Variants in MYRIP observed in about 807,000 individuals in gnomAD.
MYRIP encodes myosin VIIA and Rab interacting protein.
In MYRIP, 49 loss-of-function variants were observed where a neutral mutation model predicts 98.0. The ratio of observed to expected loss-of-function variants is 0.50; its 90% CI spans 0.40 to 0.63. The LOEUF (loss-of-function observed/expected upper bound fraction) is 0.63. Among genes scored for constraint, MYRIP ranks in the 30% least tolerant of loss-of-function variants. The pLI, the probability that MYRIP is intolerant of heterozygous loss-of-function variation, is 0.00. For synonymous variants in MYRIP, 404 were observed against 409.5 expected, an observed-to-expected ratio of 0.99 and a Z score of 0.16; for missense variants, 1,004 against 1,058.2, an observed-to-expected ratio of 0.95 and a Z score of 0.71.
chr3:39,964,823 T>G (rs551102344), intron 2 of MYRIP, among the ~76,000 whole-genome samples: 2 of 152,184 alleles, frequency 1.3e-5, no homozygotes, highest in Admixed American at 1.3e-4. Context: ...TGCTTAAAAC[T>G]TTTCTTATAA....
At chr3:39,842,314 C>G (rs746841220) in intron 1 of MYRIP, among the ~76,000 whole-genome samples, 4 of 152,144 alleles carry the variant, frequency 2.6e-5, no homozygotes, top group Non-Finnish European at 5.9e-5. Flanking sequence ...CTCCCCTGAC[C>G]AGGCTCCAGT....
At chr3:40,209,732 G>A in intron 10 of MYRIP, 122 bp from the exon 11 acceptor site, 1 of 1,343,394 alleles carries the variant, frequency 7.4e-7, no homozygotes. Flanking sequence ...GACCAGGTAA[G>A]AAAGCTGTTA....
At chr3:39,890,066 G>A (rs1266510044) in intron 1 of MYRIP, among the ~76,000 whole-genome samples, 1 of 151,752 alleles carries the variant, frequency 6.6e-6, no homozygotes, top group Non-Finnish European at 1.5e-5. Flanking sequence ...TTCTATTTTT[G>A]TTTATTTATT....
chr3:39,821,673 CAT>C (rs1398885471), intron 1 of MYRIP, among the ~76,000 whole-genome samples: 3 of 151,988 alleles, frequency 2.0e-5, no homozygotes, highest in African/African-American at 4.8e-5. Flanking sequence ...TTATTGTTCA[CAT>C]GTGAATTTTT....
intron 2 of MYRIP, among the ~76,000 whole-genome samples, chr3:40,042,414 A>G (rs1947559138): frequency 6.6e-6 from 1 of 152,140 alleles, no homozygotes; most frequent in Non-Finnish European, 1.5e-5. Context: ...ATGTCCATGA[A>G]AGAAAAGCCT....
intron 11 of MYRIP, among the ~76,000 whole-genome samples, chr3:40,230,417 A>G (rs1952618990): frequency 6.6e-6 from 1 of 152,226 alleles, no homozygotes; most frequent in Non-Finnish European, 1.5e-5. Flanking sequence ...AGTGCTAAAT[A>G]TAAGTTTTTT....
intron 2 of MYRIP, among the ~76,000 whole-genome samples, chr3:40,003,926 C>T (rs1210662991): frequency 1.3e-5 from 2 of 152,204 alleles, no homozygotes; most frequent in African/African-American, 4.8e-5. Flanking sequence ...CTGAGCCTAT[C>T]TGACTGTCAA....
At chr3:39,963,586 G>A (rs1238933838) in intron 2 of MYRIP, among the ~76,000 whole-genome samples, 1 of 152,094 alleles carries the variant, frequency 6.6e-6, no homozygotes, top group East Asian at 1.9e-4. Flanking sequence ...TGCTTCTTAA[G>A]CACTATCTTG....
intron 8 of MYRIP, among the ~76,000 whole-genome samples, chr3:40,170,571 T>G (rs1223454903): frequency 1.3e-5 from 2 of 152,200 alleles, no homozygotes; most frequent in African/African-American, 4.8e-5. Context: ...TCTGTCACCT[T>G]GAGTCACAGA....
intron 2 of MYRIP, among the ~76,000 whole-genome samples, chr3:40,013,628 C>T (rs1347925043): frequency 6.6e-6 from 1 of 152,238 alleles, no homozygotes; most frequent in Non-Finnish European, 1.5e-5. Context: ...GGCTTGGATT[C>T]CAGCCCAGGC....
At chr3:40,170,404 A>G (rs1950589030) in intron 8 of MYRIP, among the ~76,000 whole-genome samples, 1 of 152,132 alleles carries the variant, frequency 6.6e-6, no homozygotes, top group Non-Finnish European at 1.5e-5. Context: ...CCAGTGGGGG[A>G]AAATAGCTTT....
intron 2 of MYRIP, among the ~76,000 whole-genome samples, chr3:39,922,791 C>T (rs972832175): frequency 6.6e-5 from 10 of 152,066 alleles, no homozygotes; most frequent in Non-Finnish European, 1.5e-4. Context: ...ATACAAGTGT[C>T]AATACAAATT....
At position 39,878,103 on chromosome 3, in the gene MYRIP, T is replaced by C. The variant is rs548320987; in HGVS notation, c.-30-22684T>C. Among the ~76,000 whole-genome samples the C allele has an allele frequency of 9.0e-3, 1,368 of 152,238 alleles. 16 individuals carry two copies. Among genetic ancestry groups the C allele is most frequent in the African/African-American group, 0.031 (1,293 of 41,488 alleles). ...ACCTTGCAGTTTGATCTCAGACTGC[T>C]GTGCTAGCAATCAGCGAGACTCCGT... On this transcript the variant is annotated intron_variant, in intron 1 of 16. Transcript: ENST00000302541.
At chr3:39,853,001 C>T (rs768553058) in intron 1 of MYRIP, among the ~76,000 whole-genome samples, 2 of 152,142 alleles carry the variant, frequency 1.3e-5, no homozygotes, top group Non-Finnish European at 2.9e-5. Context: ...AGGGTGATCT[C>T]GAACTCCTGA....
At chr3:40,097,468 GAA>G (rs147882313) in intron 3 of MYRIP, among the ~76,000 whole-genome samples, 1 of 148,164 alleles carries the variant, frequency 6.7e-6, no homozygotes, top group African/African-American at 2.5e-5. Flanking sequence ...ATTTTGGTAG[GAA>G]AAAAAAAAGT....
intron 3 of MYRIP, among the ~76,000 whole-genome samples, chr3:40,123,189 T>C (rs1311987359): frequency 1.3e-5 from 2 of 152,210 alleles, no homozygotes; most frequent in African/African-American, 4.8e-5. Flanking sequence ...AGCATCATGT[T>C]TGGATCTTCT....
chr3:39,945,628 A>G (rs1332764346), intron 2 of MYRIP, among the ~76,000 whole-genome samples: 1 of 152,114 alleles, frequency 6.6e-6, no homozygotes. Context: ...TCTGTAACCC[A>G]AAAGAATTCT....
At chr3:40,166,263 G>A (rs1010135069) in intron 5 of MYRIP, among the ~76,000 whole-genome samples, 1 of 152,116 alleles carries the variant, frequency 6.6e-6, no homozygotes, top group Admixed American at 6.5e-5. Flanking sequence ...ACAAAATAAA[G>A]CATAATCTTT....
intron 2 of MYRIP, among the ~76,000 whole-genome samples, chr3:39,919,393 T>C (rs1343421687): frequency 6.6e-6 from 1 of 152,198 alleles, no homozygotes; most frequent in Non-Finnish European, 1.5e-5. Context: ...TCTCCCTTCT[T>C]GTGCAGTATC....
Sources: allele counts gnomAD v4.1 joint callset (sites outside exome capture counted in the v4.1 genomes callset), GRCh38; gene constraint gnomAD v4.1.1; transcripts MANE v1.5; gene names NCBI Gene and HGNC (gene_info 2026-07-23, HGNC 2026-07-21).